Variants in DENND1B observed in about 807,000 individuals in gnomAD.
The protein encoded by DENND1B is DENN domain-containing protein 1B.
Under a neutral mutation model 90.1 loss-of-function variants are expected in DENND1B, and 59 were observed. The observed-to-expected ratio is 0.65, with a 90% confidence interval of 0.53 to 0.81. The LOEUF (loss-of-function observed/expected upper bound fraction) is 0.81, where lower values mean the gene tolerates loss of function less well. DENND1B is among the 40% of genes least tolerant of loss of function. The pLI is 0.00. For synonymous variants in DENND1B, 337 were observed against 324.6 expected, an observed-to-expected ratio of 1.04 and a Z score of -0.41; for missense variants, 862 against 912.6, an observed-to-expected ratio of 0.94 and a Z score of 0.71.
chr1:197,590,345 CAG>C (rs1373637492), intron 14 of DENND1B, among the ~76,000 whole-genome samples: 5 of 152,104 alleles, frequency 3.3e-5, no homozygotes, highest in African/African-American at 9.7e-5. Flanking sequence ...AGTATGGTTA[CAG>C]AGTCTTGTGC....
intron 20 of DENND1B, among the ~76,000 whole-genome samples, chr1:197,513,601 T>C (rs1460765221): frequency 6.6e-6 from 1 of 151,606 alleles, no homozygotes; most frequent in Non-Finnish European, 1.5e-5. Flanking sequence ...TACTTCACTA[T>C]GTATTTTTAA....
intron 3 of DENND1B, among the ~76,000 whole-genome samples, chr1:197,713,801 T>TTATAATATATTATAATATATTATA (rs1660243960): frequency 3.1e-5 from 1 of 32,586 alleles, no homozygotes; most frequent in Non-Finnish European, 5.8e-5. Context: ...TATTATTATA[T>TTATAATATATTATAATATATTATA]TATAATATAT....
At chr1:197,691,073 T>C (rs751132718) in intron 3 of DENND1B, among the ~76,000 whole-genome samples, 25 of 151,922 alleles carry the variant, frequency 1.6e-4, no homozygotes, top group Admixed American at 1.4e-3. Context: ...TTTATAAACA[T>C]ATGCACAGGC....
intron 10 of DENND1B, among the ~76,000 whole-genome samples, chr1:197,632,103 T>C (rs1185771219): frequency 1.3e-5 from 2 of 152,130 alleles, no homozygotes; most frequent in South Asian, 2.1e-4. Flanking sequence ...TTGCTTTTAT[T>C]ACTGTAACAA....
chr1:197,682,069 G>A (rs1459901758), intron 3 of DENND1B, among the ~76,000 whole-genome samples: 1 of 151,410 alleles, frequency 6.6e-6, no homozygotes, highest in African/African-American at 2.4e-5. Context: ...AACCAGATAG[G>A]ACTCTTGTGG....
chr1:197,637,883 C>T (rs142000398), intron 10 of DENND1B, among the ~76,000 whole-genome samples: 3 of 152,280 alleles, frequency 2.0e-5, no homozygotes, highest in South Asian at 2.1e-4. Flanking sequence ...AGCAGGACTA[C>T]GTAATCTTTG....
intron 20 of DENND1B, among the ~76,000 whole-genome samples, chr1:197,521,939 A>G (rs1212945955): frequency 6.6e-6 from 1 of 152,078 alleles, no homozygotes; most frequent in African/African-American, 2.4e-5. Flanking sequence ...AAGGTAAATC[A>G]TAAGTGACAG....
rs184715354 is a variant in DENND1B at position 197,568,678 on chromosome 1, A to C, written c.1149+14474T>G. 4.3e-4 allele frequency among the ~76,000 whole-genome samples: 65 copies of C among 152,270 alleles called. 1 individual carries two copies. Among genetic ancestry groups the C allele is most frequent in the Admixed American group, 4.3e-3 (65 of 15,274 alleles). ...TACAGACATATGAAATAGAATAGAA[A>C]ACCCAAAAATAAATCCATACATTTC... On this transcript the variant is annotated intron_variant, in intron 15 of 22. Coordinates refer to ENST00000620048, the MANE Select transcript of DENND1B (RefSeq NM_001195215.2).
chr1:197,654,695 T>A (rs1170564114), intron 6 of DENND1B, among the ~76,000 whole-genome samples: 1 of 152,096 alleles, frequency 6.6e-6, no homozygotes, highest in East Asian at 1.9e-4. Context: ...GTATTACCAA[T>A]ACTGCATTAA....
At chr1:197,714,149 A>G (rs1352321560) in intron 3 of DENND1B, among the ~76,000 whole-genome samples, 7 of 150,694 alleles carry the variant, frequency 4.6e-5, no homozygotes, top group Admixed American at 3.3e-4. Context: ...GCTGTTTTGT[A>G]TTTTTAGCAG....
intron 3 of DENND1B, among the ~76,000 whole-genome samples, chr1:197,714,215 T>C (rs1253155361): frequency 1.3e-5 from 2 of 151,466 alleles, no homozygotes; most frequent in African/African-American, 2.4e-5. Context: ...CCTCATGATC[T>C]GCCCGCCTCA....
At chr1:197,624,052 CT>C (rs1678420700) in intron 10 of DENND1B, among the ~76,000 whole-genome samples, 2 of 151,600 alleles carry the variant, frequency 1.3e-5, no homozygotes, top group Middle Eastern at 3.4e-3. Flanking sequence ...AGCAAGTTTT[CT>C]TGTGGAAAAC....
chr1:197,629,564 T>C (rs1406747533), intron 10 of DENND1B, among the ~76,000 whole-genome samples: 1 of 150,634 alleles, frequency 6.6e-6, no homozygotes, highest in African/African-American at 2.4e-5. Flanking sequence ...CATTAGGAGA[T>C]ATACCTAATG....
At chr1:197,599,666 G>C (rs1023470735) in intron 13 of DENND1B, among the ~76,000 whole-genome samples, 2 of 151,732 alleles carry the variant, frequency 1.3e-5, no homozygotes, top group Non-Finnish European at 2.9e-5. Flanking sequence ...CTAAAGTTCA[G>C]TTTATTAAGA....
At chr1:197,567,138 TAAAG>T (rs1311118089) in intron 15 of DENND1B, among the ~76,000 whole-genome samples, 2 of 151,384 alleles carry the variant, frequency 1.3e-5, no homozygotes, top group African/African-American at 4.9e-5. Context: ...AAGAAAAAAA[TAAAG>T]AAGCCTCAAA....
intron 14 of DENND1B, among the ~76,000 whole-genome samples, chr1:197,593,334 T>A (rs1298946499): frequency 7.2e-6 from 1 of 139,264 alleles, no homozygotes; most frequent in Non-Finnish European, 1.6e-5. Context: ...TGTAAAGGCA[T>A]AGAAAATGAA....
chr1:197,580,087 C>CTTTTTTTTTT (rs139056668), intron 15 of DENND1B, among the ~76,000 whole-genome samples: 101 of 76,756 alleles, frequency 1.3e-3, no homozygotes, highest in East Asian at 2.2e-3. Flanking sequence ...TTCTTTCTTT[C>CTTTTTTTTTT]TTTTTTTTTT....
chr1:197,615,177 T>A (rs1677533608), intron 11 of DENND1B, among the ~76,000 whole-genome samples: 1 of 151,148 alleles, frequency 6.6e-6, no homozygotes, highest in Non-Finnish European at 1.5e-5. Flanking sequence ...TTTCTTGCTA[T>A]CTGTGAATCT....
At chr1:197,527,302 GTTTT>G (rs1011998386) in intron 20 of DENND1B, among the ~76,000 whole-genome samples, 7 of 104,208 alleles carry the variant, frequency 6.7e-5, no homozygotes, top group Admixed American at 6.7e-4. Context: ...TCACTTGAAG[GTTTT>G]TTTTTGTTTT....
Sources: gnomAD v4.1 joint callset for allele counts (sites outside exome capture counted in the v4.1 genomes callset) on GRCh38, gnomAD v4.1.1 for gene constraint, MANE v1.5 for transcripts, NCBI Gene and HGNC (gene_info 2026-07-23, HGNC 2026-07-21) for gene names.